The following RAF1 variants were observed in gnomAD, a reference collection of about 807,000 sequenced individuals.
RAF1 encodes the protein RAF proto-oncogene serine/threonine-protein kinase.
In RAF1, 27 loss-of-function variants were observed where a neutral mutation model predicts 81.1. The observed-to-expected ratio is 0.33, with a 90% confidence interval of 0.25 to 0.46. The LOEUF (loss-of-function observed/expected upper bound fraction) is 0.46. Among genes scored for constraint, RAF1 ranks in the 20% least tolerant of loss-of-function variants. RAF1 has a pLI of 1.00. For synonymous variants in RAF1, 298 were observed against 294.0 expected, an observed-to-expected ratio of 1.01 and a Z score of -0.14; for missense variants, 598 against 826.0, an observed-to-expected ratio of 0.72 and a Z score of 3.38.
intron 10 of RAF1, 82 bp from the exon 10 acceptor site, chr3:12,599,890 T>C: frequency 8.1e-7 from 1 of 1,230,358 alleles, no homozygotes; most frequent in Non-Finnish European, 1.2e-6. Flanking sequence ...GATCAACCCA[T>C]GTCATCTGTT....
intron 1 of RAF1, among the ~76,000 whole-genome samples, chr3:12,639,932 C>T (rs1487546602): frequency 6.6e-6 from 1 of 152,084 alleles, no homozygotes; most frequent in East Asian, 1.9e-4. Context: ...GCAAAAAGAA[C>T]AAAGCTGGAG....
At chr3:12,594,712 T>C (rs1273598706) in intron 11 of RAF1, among the ~76,000 whole-genome samples, 17 of 152,202 alleles carry the variant, frequency 1.1e-4, no homozygotes, top group Admixed American at 1.0e-3. Flanking sequence ...TTTTCTTTTT[T>C]CCATCATCCT....
Position 12,585,264 on chromosome 3 carries a change from C to T in RAF1, c.1597-11G>A, listed in dbSNP as rs182394722. 1.6e-4 allele frequency: 261 copies of T among 1,613,916 alleles called. 2 individuals carry two copies. In the East Asian group the frequency reaches 5.4e-3, roughly 33 times the overall value. The stretch of plus-strand genomic sequence containing the variant: ...GATCACCTCTGGGGCCTACATGTAT[C>T]ACCATATGACAAAAGTGCATTTATC... On this transcript the variant is annotated splice_polypyrimidine_tract_variant and intron_variant, in intron 15 of 17. Coordinates refer to ENST00000442415, the MANE Select transcript of RAF1 (RefSeq NM_001354689.3).
chr3:12,605,065 C>T (rs1404785023), intron 6 of RAF1, among the ~76,000 whole-genome samples: 1 of 152,078 alleles, frequency 6.6e-6, no homozygotes, highest in Non-Finnish European at 1.5e-5. Flanking sequence ...CTTCAGAGGC[C>T]TGGTTTCTTC....
chr3:12,632,111 AG>A (rs2059879679), intron 1 of RAF1, among the ~76,000 whole-genome samples: 1 of 147,686 alleles, frequency 6.8e-6, no homozygotes, highest in African/African-American at 2.5e-5. Flanking sequence ...GGGGATCATG[AG>A]GTCAGTAGTT....
At position 12,584,567 on chromosome 3, in the gene RAF1, C is replaced by T. The variant is rs2125316223; in HGVS notation, c.1954G>A (p.Glu652Lys). ...GTCAGCGTGCAAGCATTGATATCCT[C>T]AGTGTGGGCTGCCCGATGCAAGGAT... Residue 652 changes from glutamate (E) to lysine (K), a missense_variant, in exon 18 of 18, where the codon GAG becomes AAG. Transcript: ENST00000442415. The T allele has an allele frequency of 1.2e-6, 2 of 1,614,174 alleles. No homozygotes were observed. Among genetic ancestry groups the T allele is most frequent in the Non-Finnish European group, 1.7e-6 (2 of 1,180,036 alleles).
chr3:12,623,342 A>C (rs1233912669), intron 1 of RAF1, among the ~76,000 whole-genome samples: 1 of 152,256 alleles, frequency 6.6e-6, no homozygotes, highest in Non-Finnish European at 1.5e-5. Context: ...GCAGGCACTC[A>C]AAATATAGTG....
intron 5 of RAF1, among the ~76,000 whole-genome samples, chr3:12,607,749 G>A (rs1029745853): frequency 3.3e-5 from 5 of 151,500 alleles, no homozygotes; most frequent in Admixed American, 2.6e-4. Context: ...TCAAGAGATC[G>A]AGACCATCCT....
intron 1 of RAF1, among the ~76,000 whole-genome samples, chr3:12,646,963 G>T (rs1447392195): frequency 6.6e-6 from 1 of 151,476 alleles, no homozygotes; most frequent in African/African-American, 2.4e-5. Flanking sequence ...AGGATTACAG[G>T]AGTGAGCCAC....
chr3:12,637,502 T>C (rs533888317), intron 1 of RAF1, among the ~76,000 whole-genome samples: 1 of 151,900 alleles, frequency 6.6e-6, no homozygotes, highest in Non-Finnish European at 1.5e-5. Context: ...TGACCTCAGG[T>C]GATCCACCCG....
chr3:12,586,079 G>A (rs939040120), intron 14 of RAF1, among the ~76,000 whole-genome samples: 1 of 152,184 alleles, frequency 6.6e-6, no homozygotes, highest in Non-Finnish European at 1.5e-5. Context: ...GCACATCTAG[G>A]TGCTGGGTCT....
At chr3:12,603,677 T>C in intron 7 of RAF1, 1 of 542,878 alleles carries the variant, frequency 1.8e-6, no homozygotes, top group African/African-American at 1.9e-5. Flanking sequence ...GAAAAAGCAG[T>C]TCAAAAACAC....
chr3:12,618,874 CAAAGA>C (rs1342485883), intron 1 of RAF1, 127 bp from the exon 2 acceptor site: 1 of 732,450 alleles, frequency 1.4e-6, no homozygotes, highest in Non-Finnish European at 2.3e-6. Context: ...CATTCATCAG[CAAAGA>C]AAAGTTTCTT....
At chr3:12,656,817 T>A (rs1447946506) in intron 1 of RAF1, among the ~76,000 whole-genome samples, 2 of 151,948 alleles carry the variant, frequency 1.3e-5, no homozygotes, top group Non-Finnish European at 2.9e-5. Flanking sequence ...GCCAACATCA[T>A]GAAACCCCAT....
intron 1 of RAF1, among the ~76,000 whole-genome samples, chr3:12,662,967 G>C (rs2060927037): frequency 6.6e-6 from 1 of 152,040 alleles, no homozygotes; most frequent in African/African-American, 2.4e-5. Flanking sequence ...CTTAGATTAA[G>C]TGACCCCCTA....
In RAF1 at chr3:12,608,620, T is replaced by C. The variant is rs544864114; in HGVS notation, c.581+146A>G. On this transcript the variant is annotated intron_variant, in intron 5 of 17. Transcript: ENST00000442415. ...CCAAACCTAGCTAGTTTCAGAATTA[T>C]CACTGTTTCTAAAGTAGTTTCTGGA... 25 of 932,190 alleles carry C rather than the reference T, an allele frequency of 2.7e-5. No individual in the cohort carries two copies. The African/African-American group carries it at 2.9e-4, about 11-fold the overall frequency. 57.7% of individuals were successfully genotyped at this position (932,190 alleles called of 1,614,324 possible).
At chr3:12,589,595 A>C (rs1370799696) in intron 13 of RAF1, 1 of 151,960 alleles carries the variant, frequency 6.6e-6, no homozygotes. Context: ...GAGACCTCCG[A>C]CTCTACAAAA....
intron 5 of RAF1, among the ~76,000 whole-genome samples, chr3:12,607,973 A>AG (rs2059091539): frequency 2.2e-5 from 3 of 137,762 alleles, no homozygotes; most frequent in African/African-American, 5.3e-5. Flanking sequence ...AAAAAAAAAA[A>AG]GGGTGGGGGA....
At chr3:12,604,407 T>C (rs568204241) in intron 6 of RAF1, 118 bp from the exon 7 acceptor site, 179 of 1,068,522 alleles carry the variant, frequency 1.7e-4, no homozygotes, top group Non-Finnish European at 1.6e-4. Context: ...GTACAACCTT[T>C]GACAAAATGT....
Sources: allele counts gnomAD v4.1 joint callset (sites outside exome capture counted in the v4.1 genomes callset), GRCh38; gene constraint gnomAD v4.1.1; transcripts MANE v1.5; gene names NCBI Gene and HGNC (gene_info 2026-07-23, HGNC 2026-07-21).